The following UBAC2 variants were observed in gnomAD, a reference collection of about 807,000 sequenced individuals.
UBAC2 encodes the protein ubiquitin-associated domain-containing protein 2.
Under a neutral mutation model 44.0 loss-of-function variants are expected in UBAC2, and 26 were observed. That is an observed-to-expected ratio of 0.59 (90% CI 0.43 to 0.82). The LOEUF (loss-of-function observed/expected upper bound fraction) is 0.82, where lower values mean the gene tolerates loss of function less well. Among genes scored for constraint, UBAC2 ranks in the 40% least tolerant of loss-of-function variants. The pLI is 0.00. For synonymous variants in UBAC2, 155 were observed against 154.3 expected, an observed-to-expected ratio of 1.00 and a Z score of -0.04; for missense variants, 329 against 419.4, an observed-to-expected ratio of 0.78 and a Z score of 1.88.
intron 6 of UBAC2, among the ~76,000 whole-genome samples, chr13:99,328,793 T>C (rs2138801762): frequency 6.6e-6 from 1 of 152,036 alleles, no homozygotes; most frequent in South Asian, 2.1e-4. Flanking sequence ...GGCTTGTCTG[T>C]TACCAAAAAG....
intron 4 of UBAC2, among the ~76,000 whole-genome samples, chr13:99,290,682 G>A (rs569076278): frequency 3.4e-5 from 5 of 147,472 alleles, no homozygotes; most frequent in Admixed American, 1.4e-4. Context: ...CCAAGATTGC[G>A]CCACTGCACT....
chr13:99,311,303 C>G (rs1056666031), intron 4 of UBAC2, among the ~76,000 whole-genome samples: 1 of 152,008 alleles, frequency 6.6e-6, no homozygotes. Context: ...GCGGGAGGTG[C>G]GGTTTGAAAT....
At chr13:99,281,371 A>G (rs1428986872) in intron 4 of UBAC2, among the ~76,000 whole-genome samples, 1 of 152,116 alleles carries the variant, frequency 6.6e-6, no homozygotes, top group African/African-American at 2.4e-5. Context: ...TTATATTCAC[A>G]AGATATCTCC....
intron 4 of UBAC2, among the ~76,000 whole-genome samples, chr13:99,285,940 C>G (rs1366982095): frequency 6.6e-6 from 1 of 152,074 alleles, no homozygotes; most frequent in Non-Finnish European, 1.5e-5. Context: ...CCCTGAAACT[C>G]CCTGATCCCT....
intron 6 of UBAC2, among the ~76,000 whole-genome samples, chr13:99,333,803 G>A (rs928312498): frequency 1.3e-5 from 2 of 152,172 alleles, no homozygotes; most frequent in African/African-American, 4.8e-5. Context: ...GGACAGGAGA[G>A]TGAAGATCTT....
Position 99,295,904 on chromosome 13 carries a change from G to C in UBAC2, c.390-18193G>C, listed in dbSNP as rs569315680. 6.2e-7 allele frequency: 1 copy of C among 1,613,290 alleles called. No individual in the cohort carries two copies. Among genetic ancestry groups the C allele is most frequent in the Admixed American group, 1.7e-5 (1 of 59,968 alleles). ...GGCTATTCGTGTAGGCAAAGCGGTG[G>C]TAAAAAGTATATCAGAAATCACCAA... On this transcript the variant is annotated intron_variant, in intron 4 of 8. Coordinates refer to ENST00000403766, the MANE Select transcript of UBAC2 (RefSeq NM_001144072.2). The surrounding 1 kb of genome is among the most constrained non-coding windows in gnomAD (Gnocchi z 4.1).
intron 4 of UBAC2, chr13:99,261,894 A>T (rs2043667916): frequency 6.6e-6 from 1 of 152,212 alleles, no homozygotes; most frequent in Non-Finnish European, 1.5e-5. Flanking sequence ...CCTTATCCGC[A>T]ATTTTGCTGT....
In UBAC2 at chr13:99,369,458, T is replaced by G. The variant is rs184845429; in HGVS notation, c.927+1552T>G. The stretch of plus-strand genomic sequence containing the variant: ...TGCAGCACGATACTCAATAATTACA[T>G]GAGATAGTCAATACTCTAGATTTGT... On this transcript the variant is annotated intron_variant, in intron 8 of 8. Coordinates refer to ENST00000403766, the MANE Select transcript of UBAC2 (RefSeq NM_001144072.2). Among the ~76,000 whole-genome samples the G allele has an allele frequency of 1.9e-4, 29 of 152,338 alleles. No individual in the cohort carries two copies. In the East Asian group the frequency reaches 5.4e-3, roughly 28 times the overall value.
chr13:99,248,792 G>T (rs928635816), intron 4 of UBAC2, among the ~76,000 whole-genome samples: 2 of 152,162 alleles, frequency 1.3e-5, no homozygotes, highest in African/African-American at 2.4e-5. Context: ...CTCCCAAAGG[G>T]CTGGGATTAT....
In UBAC2 at chr13:99,385,575, T is replaced by G. The variant is rs1017651399; in HGVS notation, c.*240T>G. ...TTTTTATTGGGCATTTTCCCTAGGTTGGAGAGTCAGCACTCGTTTTGAATG... is the reference window on the plus strand; with the variant it reads ...TTTTTATTGGGCATTTTCCCTAGGTGGGAGAGTCAGCACTCGTTTTGAATG... On this transcript the variant is annotated 3_prime_UTR_variant, in exon 9 of 9. Transcript: ENST00000403766. 6.2e-5 allele frequency: 31 copies of G among 496,582 alleles called. No individual in the cohort carries two copies. The highest frequency in any genetic ancestry group is 1.1e-3 in the Middle Eastern group (2 of 1,866). The allele number at this position is 496,582 out of a possible 1,614,324, so 30.8% of individuals were successfully genotyped here.
chr13:99,371,680 G>A (rs1335204918), intron 8 of UBAC2, among the ~76,000 whole-genome samples: 1 of 152,040 alleles, frequency 6.6e-6, no homozygotes, highest in Non-Finnish European at 1.5e-5. Context: ...TTAAATATCA[G>A]AGCCACGTAA....
Position 99,248,388 on chromosome 13 carries a change from A to ATTT in UBAC2, c.389+3782_389+3784dup, listed in dbSNP as rs35640725. ...ATAGATGTGCCACCATGCCCACCTA[A>ATTT]TTTTTTTTTTTTTTTTTTTTGAGAC... On this transcript the variant is annotated intron_variant, in intron 4 of 8. Transcript: ENST00000403766. 5.7e-3 allele frequency among the ~76,000 whole-genome samples: 737 copies of ATTT among 130,120 alleles called. 8 individuals are homozygous for ATTT. The highest frequency in any genetic ancestry group is 0.021 in the African/African-American group (712 of 34,724). 85.4% of individuals were successfully genotyped at this position (130,120 alleles called of 152,430 possible). A position where few individuals can be genotyped will look rare whatever the true frequency, so the allele number is the denominator to read the frequency against.
chr13:99,238,671 T>C (rs573301628), intron 2 of UBAC2, 117 bp downstream of exon 2: 328 of 938,024 alleles, frequency 3.5e-4, no homozygotes, highest in Non-Finnish European at 4.3e-4. Flanking sequence ...GTAAGAAATA[T>C]TTATTATTAA....
intron 7 of UBAC2, chr13:99,356,277 G>A: frequency 3.9e-6 from 2 of 509,662 alleles, no homozygotes; most frequent in East Asian, 5.6e-5. Flanking sequence ...CTGTGGCCCT[G>A]ACCCTTTTAG....
chr13:99,244,028 A>G, intron 3 of UBAC2, 77 bp downstream of exon 3: 1 of 1,195,442 alleles, frequency 8.4e-7, no homozygotes, highest in East Asian at 2.6e-5. Flanking sequence ...TATTTTGTTA[A>G]ACTTGGTGTT....
intron 4 of UBAC2, among the ~76,000 whole-genome samples, chr13:99,285,842 A>G (rs1166548263): frequency 1.3e-5 from 2 of 152,238 alleles, no homozygotes; most frequent in East Asian, 1.9e-4. Context: ...TGGCTCTTGA[A>G]TTCAGTATGA....
chr13:99,326,761 C>T (rs1274009859), intron 6 of UBAC2, among the ~76,000 whole-genome samples: 1 of 152,166 alleles, frequency 6.6e-6, no homozygotes, highest in Non-Finnish European at 1.5e-5. Context: ...CAGCACCTTA[C>T]ACTGCACATC....
Position 99,243,932 on chromosome 13 carries a change from A to G in UBAC2, c.260A>G (p.Tyr87Cys), listed in dbSNP as rs2043350133. ...IYNFRIFERRYGSRKFASFLL... is the reference protein window; with the variant it reads ...IYNFRIFERRCGSRKFASFLL... ...AATTTTAGGATATTTGAAAGAAGATATGGAAGCAGAAAATTTGCAGTAAGT... is the reference window on the plus strand; with the variant it reads ...AATTTTAGGATATTTGAAAGAAGATGTGGAAGCAGAAAATTTGCAGTAAGT... The change falls in exon 3 of 9, where the codon TAT becomes TGT. Residue 87 changes from tyrosine (Y) to cysteine (C), a missense_variant. Transcript: ENST00000403766. 1 of 1,539,692 alleles carries G rather than the reference A, an allele frequency of 6.5e-7. No individual in the cohort carries two copies. Among genetic ancestry groups the G allele is most frequent in the Non-Finnish European group, 8.7e-7 (1 of 1,143,994 alleles).
chr13:99,241,334 A>G (rs1350234562), intron 2 of UBAC2, among the ~76,000 whole-genome samples: 1 of 152,198 alleles, frequency 6.6e-6, no homozygotes, highest in Non-Finnish European at 1.5e-5. Flanking sequence ...CACAATAGCA[A>G]AAAGGCAGAA....
Sources: allele counts gnomAD v4.1 joint callset (sites outside exome capture counted in the v4.1 genomes callset), GRCh38; gene constraint gnomAD v4.1.1; non-coding constraint Gnocchi (gnomAD v3.1); transcripts MANE v1.5; gene names NCBI Gene and HGNC (gene_info 2026-07-23, HGNC 2026-07-21).